Variants in PIGG observed in about 807,000 individuals in gnomAD.
PIGG encodes the protein phosphatidylinositol glycan anchor biosynthesis class G (EMM blood group), also known as GPI ethanolamine phosphate transferase 2, catalytic subunit.
PIGG carries 70 observed loss-of-function variants against 83.2 expected under a neutral mutation model. The ratio of observed to expected loss-of-function variants is 0.84; its 90% CI spans 0.69 to 1.03. The LOEUF is 1.03. PIGG is among the 50% of genes least tolerant of loss of function. The probability of loss-of-function intolerance (pLI) is 0.00; values close to 1 mark genes in which losing one functional copy is unlikely to be tolerated. For missense variants in PIGG, 1,257 were observed against 1,233.6 expected (o/e 1.02, Z -0.28); for synonymous variants, 532 against 519.5 (o/e 1.02, Z -0.33).
intron 11 of PIGG, chr4:532,761 G>A (rs550025703): frequency 1.2e-4 from 19 of 152,372 alleles, no homozygotes; most frequent in South Asian, 2.1e-4. Context: ...AGGGATCTTC[G>A]TTGAGCTTGA....
intron 11 of PIGG, chr4:532,900 A>T (rs4619835): frequency 1.4e-5 from 2 of 139,812 alleles, no homozygotes; most frequent in African/African-American, 5.7e-5. Context: ...AGCAGAGAGG[A>T]GGGGCCTAGG....
At chr4:512,281 A>G (rs1183489237) in intron 5 of PIGG, among the ~76,000 whole-genome samples, 1 of 142,562 alleles carries the variant, frequency 7.0e-6, no homozygotes. Context: ...GTGCAGTGAC[A>G]CGATCTCGGC....
intron 6 of PIGG, among the ~76,000 whole-genome samples, chr4:520,445 G>A (rs958911240): frequency 6.6e-6 from 1 of 152,028 alleles, no homozygotes; most frequent in African/African-American, 2.4e-5. Flanking sequence ...CATGCGCCCA[G>A]CAGAGCTCAC....
At chr4:500,193 TG>T in intron 1 of PIGG, 1 of 592,838 alleles carries the variant, frequency 1.7e-6, no homozygotes, top group Non-Finnish European at 3.0e-6. Flanking sequence ...CTTGCTACTG[TG>T]GGTCCCTAAG....
At chr4:525,294 A>G in intron 9 of PIGG, 1 of 985,324 alleles carries the variant, frequency 1.0e-6, no homozygotes, top group Non-Finnish European at 1.2e-6. Context: ...AAACCAGGAC[A>G]GAAAAATAAC....
chr4:525,068 G>T, intron 9 of PIGG: 1 of 367,272 alleles, frequency 2.7e-6, no homozygotes, highest in Non-Finnish European at 3.8e-6. Flanking sequence ...AGAAGGACGG[G>T]GTCAGCCAGG....
intron 11 of PIGG, chr4:533,599 G>A: frequency 1.7e-6 from 1 of 579,458 alleles, no homozygotes; most frequent in South Asian, 2.0e-5. Flanking sequence ...CCGCAGCCTG[G>A]GCACTGCAGG....
At chr4:526,924 T>G (rs890729615) in intron 9 of PIGG, 115 bp from the exon 10 acceptor site, 2 of 1,122,662 alleles carry the variant, frequency 1.8e-6, no homozygotes, top group Non-Finnish European at 2.5e-6. Flanking sequence ...CATGTAATCT[T>G]TGGTTTTTGG....
At chr4:514,041 C>G (rs1261402341) in intron 5 of PIGG, among the ~76,000 whole-genome samples, 1 of 152,108 alleles carries the variant, frequency 6.6e-6, no homozygotes, top group Admixed American at 6.5e-5. Context: ...AATATCAATC[C>G]AGGTCAAAGC....
intron 5 of PIGG, among the ~76,000 whole-genome samples, chr4:511,031 C>T (rs1205716881): frequency 2.0e-5 from 3 of 152,190 alleles, no homozygotes; most frequent in African/African-American, 7.2e-5. Context: ...CTGTGGCTCT[C>T]ACCTGTAATC....
chr4:538,823 G>C (rs1259449942), intron 12 of PIGG, among the ~76,000 whole-genome samples: 1 of 152,184 alleles, frequency 6.6e-6, no homozygotes, highest in African/African-American at 2.4e-5. Context: ...TGTGTGGGGG[G>C]GGACATGGTG....
chr4:539,522 T>C lies in PIGG; in HGVS notation c.*153T>C. On this transcript the variant is annotated 3_prime_UTR_variant, in exon 13 of 13. Transcript: ENST00000453061. ...GTAAATAGTTTAATAAAAGATCACT[T>C]TAATATACAGTTTGTATCATATTTT... 1.7e-6 allele frequency: 1 copy of C among 604,222 alleles called. No individual in the cohort carries two copies. Among genetic ancestry groups the C allele is most frequent in the Non-Finnish European group, 2.9e-6 (1 of 341,308 alleles). The allele number at this position is 604,222 out of a possible 1,614,324, so 37.4% of individuals were successfully genotyped here.
chr4:518,382 A>G (rs560733577), intron 6 of PIGG, among the ~76,000 whole-genome samples: 1 of 152,218 alleles, frequency 6.6e-6, no homozygotes, highest in East Asian at 1.9e-4. Context: ...TCACAAGGTC[A>G]GGAGATCAAG....
intron 2 of PIGG, chr4:501,081 G>A (rs781808398): frequency 4.4e-6 from 2 of 456,046 alleles, no homozygotes; most frequent in South Asian, 3.1e-5. Context: ...AATTACCACT[G>A]TTTCCACCAT....
rs1348550084 is a variant in PIGG, at chr4:539,491, T to A, written c.*122T>A. The A allele has an allele frequency of 6.4e-6, 4 of 629,426 alleles. No individual in the cohort carries two copies. 39.0% of individuals were successfully genotyped at this position (629,426 alleles called of 1,614,324 possible). A position where few individuals can be genotyped will look rare whatever the true frequency, so the allele number is the denominator to read the frequency against. ...TTGACTGCTCTACCTGAATTTAGAC[T>A]AAGCAGTAAATAGTTTAATAAAAGA... is the stretch of plus-strand genomic sequence containing the variant. On this transcript the variant is annotated 3_prime_UTR_variant, in exon 13 of 13. Coordinates refer to ENST00000453061, the MANE Select transcript of PIGG (RefSeq NM_001127178.3).
intron 12 of PIGG, 92 bp downstream of exon 12, chr4:534,073 C>T: frequency 9.5e-7 from 1 of 1,051,308 alleles, no homozygotes; most frequent in Non-Finnish European, 1.4e-6. Flanking sequence ...GGGGTCTAAG[C>T]TCCATGGGTC....
At chr4:506,986 C>G in intron 3 of PIGG, 1 of 288,972 alleles carries the variant, frequency 3.5e-6, no homozygotes, top group South Asian at 3.1e-5. Context: ...AGCAGTGATC[C>G]CACAGAAAAA....
chr4:535,449 C>CGTCTCCGTGTGCTGAA (rs1560383428), intron 12 of PIGG, among the ~76,000 whole-genome samples: 4 of 152,122 alleles, frequency 2.6e-5, no homozygotes, highest in African/African-American at 9.7e-5. Context: ...TCCTCCCGGG[C>CGTCTCCGTGTGCTGAA]AGGCGAGCGT....
Position 523,489 on chromosome 4 carries a change from G to GGGATCCC in PIGG, c.1645_1646insGGATCCC (p.Glu549GlyfsTer56). On this transcript the variant is annotated frameshift_variant, in exon 9 of 13. Transcript: ENST00000453061. LOFTEE classifies it high-confidence loss of function. ...CATGCATCCCAGCTCAAGGTGGTCA[G>GGGATCCC]AGCTAGACCTTCTTATTCTGTTGGG... is the stretch of plus-strand genomic sequence containing the variant. 1 of 1,613,800 alleles carries GGGATCCC rather than the reference G, an allele frequency of 6.2e-7. No homozygotes were observed. The highest frequency in any genetic ancestry group is 2.2e-5 in the East Asian group (1 of 44,874).
Sources: gnomAD v4.1 joint callset for allele counts (sites outside exome capture counted in the v4.1 genomes callset) on GRCh38, gnomAD v4.1.1 for gene constraint, MANE v1.5 for transcripts, NCBI Gene and HGNC (gene_info 2026-07-23, HGNC 2026-07-21) for gene names.